ADGRL2: variants seen among roughly 807,000 people sequenced by gnomAD.
ADGRL2 encodes the protein calcium-independent alpha-latrotoxin receptor 2.
Under a neutral mutation model 157.4 loss-of-function variants are expected in ADGRL2, and 44 were observed. The ratio of observed to expected loss-of-function variants is 0.28; its 90% CI spans 0.22 to 0.36. ADGRL2 has a LOEUF of 0.36. Ranked by LOEUF, ADGRL2 falls within the 10% of genes least tolerant of loss-of-function variation. ADGRL2 has a pLI of 1.00. For missense variants in ADGRL2, 1,510 were observed against 1,768.9 expected, an observed-to-expected ratio of 0.85 and a Z score of 2.63; for synonymous variants, 585 against 624.7, an observed-to-expected ratio of 0.94 and a Z score of 0.95.
chr1:81,379,912 C>T (rs1398953514), intron 1 of ADGRL2, among the ~76,000 whole-genome samples: 1 of 152,142 alleles, frequency 6.6e-6, no homozygotes, highest in Non-Finnish European at 1.5e-5. Context: ...CACCTAGGTC[C>T]GTGGGGGTAG....
intron 3 of ADGRL2, among the ~76,000 whole-genome samples, chr1:81,688,062 T>A (rs2083265615): frequency 6.6e-6 from 1 of 152,172 alleles, no homozygotes; most frequent in African/African-American, 2.4e-5. Context: ...AGGTTTTCCT[T>A]TATAGGTTAC....
chr1:81,745,394 T>C (rs1425948372), intron 1 of ADGRL2, among the ~76,000 whole-genome samples: 1 of 152,182 alleles, frequency 6.6e-6, no homozygotes. Context: ...CTTAGGCAAG[T>C]TACTCAGTTT....
At chr1:81,385,864 T>A (rs1421560322) in intron 1 of ADGRL2, among the ~76,000 whole-genome samples, 1 of 152,064 alleles carries the variant, frequency 6.6e-6, no homozygotes, top group Non-Finnish European at 1.5e-5. Context: ...AACATAAAGA[T>A]TTACTCAAGA....
chr1:81,493,924 G>T (rs974780074), intron 2 of ADGRL2, among the ~76,000 whole-genome samples: 3 of 152,088 alleles, frequency 2.0e-5, no homozygotes, highest in African/African-American at 7.2e-5. Context: ...ATTGTTCTCA[G>T]TCTGATTCTC....
chr1:81,898,157 A>G (rs1466550615), intron 2 of ADGRL2, among the ~76,000 whole-genome samples: 2 of 152,178 alleles, frequency 1.3e-5, no homozygotes, highest in Non-Finnish European at 2.9e-5. Context: ...TGACACATAA[A>G]ACTAAGGCAT....
chr1:81,342,325 A>G (rs1036723910), intron 1 of ADGRL2, among the ~76,000 whole-genome samples: 2 of 152,212 alleles, frequency 1.3e-5, no homozygotes, highest in African/African-American at 4.8e-5. Context: ...AATTAGAGTT[A>G]CAGTGGAATT....
In ADGRL2 at chr1:81,691,878, GTGTA is replaced by G. The variant is rs1449650867; in HGVS notation, c.-142-69931_-142-69928del. 2.0e-4 allele frequency among the ~76,000 whole-genome samples: 25 copies of G among 122,454 alleles called. 2 individuals are homozygous for G. The highest frequency in any genetic ancestry group is 4.3e-4 in the African/African-American group (14 of 32,686). 80.3% of individuals were successfully genotyped at this position (122,454 alleles called of 152,430 possible). ...TATATATATATATGGGTGTGTGTGT[GTGTA>G]TATATATATATATGTATGTGTATAT... On this transcript the variant is annotated intron_variant, in intron 3 of 24. Coordinates refer to the ADGRL2 transcript ENST00000370721.
chr1:81,846,574 T>C (rs1390190003), intron 2 of ADGRL2, among the ~76,000 whole-genome samples: 2 of 151,952 alleles, frequency 1.3e-5, no homozygotes, highest in Non-Finnish European at 2.9e-5. Flanking sequence ...AGTAAAATTC[T>C]TATTTTGTTG....
chr1:81,713,469 A>G (rs1366463061), intron 1 of ADGRL2, among the ~76,000 whole-genome samples: 1 of 152,232 alleles, frequency 6.6e-6, no homozygotes, highest in African/African-American at 2.4e-5. Flanking sequence ...ATATTTACCA[A>G]CAGCCACTAA....
At chr1:81,910,111 G>A (rs12406614) in intron 3 of ADGRL2, among the ~76,000 whole-genome samples, 32,331 of 151,392 alleles carry the variant, frequency 0.21, 4,123 homozygotes, top group East Asian at 0.62. Context: ...GTGGTGGCAG[G>A]CACCTGTAAT....
intron 2 of ADGRL2, among the ~76,000 whole-genome samples, chr1:81,562,032 A>C (rs2080454833): frequency 6.6e-6 from 1 of 152,126 alleles, no homozygotes; most frequent in South Asian, 2.1e-4. Flanking sequence ...ATACTTTAAA[A>C]CTCTAATTTT....
intron 19 of ADGRL2, 134 bp downstream of exon 19, chr1:81,982,110 T>G (rs1661829387): frequency 5.4e-6 from 4 of 734,698 alleles, no homozygotes; most frequent in Non-Finnish European, 8.3e-6. Context: ...ATAAGTTAAT[T>G]TTCATACCTG....
At position 81,943,692 on chromosome 1, in the gene ADGRL2, A is replaced by G; in HGVS notation, c.1133A>G (p.Asp378Gly). Residue 378 changes from aspartate (D) to glycine (G), a missense_variant, in exon 6 of 24, where the codon GAT becomes GGT. Around this residue, in one of 4 missense-constraint regions of ADGRL2, gnomAD observed 361 missense variants for 498.4 expected, o/e 0.72. Transcript: ENST00000686636. The surrounding 1 kb of genome is among the most constrained non-coding windows in gnomAD (Gnocchi z 5.6). The part of the protein sequence containing the change: ...YIAAVDYNPR[D>G]NQLYVWNNNF... ...GCTGCAGTGGATTACAATCCAAGAG[A>G]TAACCAACTTTACGTGTGGAACAAT... 1.2e-6 allele frequency: 2 copies of G among 1,613,640 alleles called. No homozygotes were observed. The highest frequency in any genetic ancestry group is 1.7e-6 in the Non-Finnish European group (2 of 1,179,656).
At position 81,652,691 on chromosome 1, in the gene ADGRL2, T is replaced by G. The variant is rs191899677; in HGVS notation, c.-143+71711T>G. Among the ~76,000 whole-genome samples, 402 of 152,292 alleles carry G rather than the reference T, an allele frequency of 2.6e-3. 6 individuals carry two copies. The highest frequency in any genetic ancestry group is 2.8e-3 in the Non-Finnish European group (189 of 68,022). Reference sequence around the variant, plus strand: ...TTTTTATTGTTAATGTAGCACAAATTCAGAAACTATATGAAACAAATATGC... The same window carrying G: ...TTTTTATTGTTAATGTAGCACAAATGCAGAAACTATATGAAACAAATATGC... On this transcript the variant is annotated intron_variant, in intron 3 of 24. Transcript: ENST00000370721.
intron 2 of ADGRL2, among the ~76,000 whole-genome samples, chr1:81,903,895 G>A (rs1292247583): frequency 6.7e-6 from 1 of 149,338 alleles, no homozygotes; most frequent in Non-Finnish European, 1.5e-5. Context: ...GTATAAATAT[G>A]TAACCCATCT....
chr1:81,783,515 T>A (rs1177201681), intron 2 of ADGRL2, among the ~76,000 whole-genome samples: 1 of 152,100 alleles, frequency 6.6e-6, no homozygotes, highest in Non-Finnish European at 1.5e-5. Flanking sequence ...TGTTTGTAAA[T>A]CTCCTTAAAT....
chr1:81,352,940 T>A (rs1663016334), intron 1 of ADGRL2, among the ~76,000 whole-genome samples: 1 of 151,902 alleles, frequency 6.6e-6, no homozygotes, highest in Admixed American at 6.6e-5. Flanking sequence ...AACAAAACAA[T>A]TTTTTTTAAA....
chr1:81,574,488 G>C (rs372053046), intron 2 of ADGRL2, among the ~76,000 whole-genome samples: 2 of 152,172 alleles, frequency 1.3e-5, no homozygotes, highest in Non-Finnish European at 2.9e-5. Flanking sequence ...ACAGACTGCA[G>C]AGCCCAGTAC....
At chr1:81,407,953 T>G (rs1327526064) in intron 1 of ADGRL2, among the ~76,000 whole-genome samples, 1 of 152,238 alleles carries the variant, frequency 6.6e-6, no homozygotes, top group Non-Finnish European at 1.5e-5. Flanking sequence ...TTTGTTTGTT[T>G]GTTTCACTAT....
Sources: allele counts gnomAD v4.1 joint callset (sites outside exome capture counted in the v4.1 genomes callset), GRCh38; gene constraint gnomAD v4.1.1; regional missense constraint gnomAD v4.1.1; non-coding constraint Gnocchi (gnomAD v3.1); transcripts MANE v1.5; gene names NCBI Gene and HGNC (gene_info 2026-07-23, HGNC 2026-07-21).